Variants in AKAP12 observed in about 807,000 individuals in gnomAD.
The protein encoded by AKAP12 is A-kinase anchor protein 12.
AKAP12 carries 32 observed loss-of-function variants against 79.9 expected under a neutral mutation model. That is an observed-to-expected ratio of 0.40 (90% CI 0.30 to 0.54). The LOEUF (loss-of-function observed/expected upper bound fraction) is 0.54, where lower values mean the gene tolerates loss of function less well. AKAP12 is among the 20% of genes least tolerant of loss of function. AKAP12 has a pLI of 0.48. For synonymous variants in AKAP12, 808 were observed against 857.0 expected, an observed-to-expected ratio of 0.94 and a Z score of 1.00; for missense variants, 2,074 against 2,177.0, an observed-to-expected ratio of 0.95 and a Z score of 0.94.
rs568964495 is a variant in AKAP12 at position 151,316,367 on chromosome 6, C to T, written c.319+10464C>T. 7.9e-5 allele frequency among the ~76,000 whole-genome samples: 12 copies of T among 152,246 alleles called. No individual in the cohort carries two copies. In the South Asian group the frequency reaches 2.1e-3, roughly 26 times the overall value. On this transcript the variant is annotated intron_variant, in intron 3 of 4. Coordinates refer to ENST00000402676, the MANE Select transcript of AKAP12 (RefSeq NM_005100.4). ...TAACATGGACGTGCAATATTTAGAC[C>T]AACCGCAGGCATAAGGTCATTATCC...
At position 151,277,968 on chromosome 6, in the gene AKAP12, GTGTGTC is replaced by G. The variant is rs199714235; in HGVS notation, c.163-27775_163-27770del. ...TATGTGTGTGTGTGTGTGTGTGTGT[GTGTGTC>G]TGTCTGTTTATTTTTTTCTACCTTT... On this transcript the variant is annotated intron_variant, in intron 2 of 4. Coordinates refer to ENST00000402676, the MANE Select transcript of AKAP12 (RefSeq NM_005100.4). Among the ~76,000 whole-genome samples, 11 of 85,134 alleles carry G rather than the reference GTGTGTC, an allele frequency of 1.3e-4. No homozygotes were observed. In the East Asian group the frequency reaches 4.1e-3, roughly 32 times the overall value. 55.9% of individuals were successfully genotyped at this position (85,134 alleles called of 152,430 possible).
rs767015478 is a variant in AKAP12 at position 151,353,716 on chromosome 6, A to T, written c.5325A>T (p.Ala1775=). ...TACAGAAACAAGAGAGAGAATCTGC[A>T]AAGTCAGAACTTACAGAATCTTAAA... ...EELQKQERES[A]KSELTES Residue 1775 remains alanine (A), a synonymous_variant, in exon 4 of 5, where the codon GCA becomes GCT. Coordinates refer to ENST00000402676, the MANE Select transcript of AKAP12 (RefSeq NM_005100.4). The T allele has an allele frequency of 1.3e-6, 2 of 1,599,118 alleles. No individual in the cohort carries two copies. Among genetic ancestry groups the T allele is most frequent in the Non-Finnish European group, 1.7e-6 (2 of 1,173,938 alleles).
At chr6:151,262,684 AC>A (rs1166672303) in intron 2 of AKAP12, among the ~76,000 whole-genome samples, 1 of 152,156 alleles carries the variant, frequency 6.6e-6, no homozygotes, top group Non-Finnish European at 1.5e-5. Flanking sequence ...GCATGAATTA[AC>A]TAAAGTTTAG....
chr6:151,352,078 C>T lies in AKAP12; in HGVS notation c.3687C>T (p.Phe1229=), dbSNP rs890688485. The T allele has an allele frequency of 1.9e-6, 3 of 1,613,786 alleles. No individual in the cohort carries two copies. Among genetic ancestry groups the T allele is most frequent in the African/African-American group, 1.3e-5 (1 of 74,806 alleles). Residue 1229 remains phenylalanine, a synonymous_variant, in exon 4 of 5, where the codon TTC becomes TTT. Transcript: ENST00000402676. ...CTCCAGCACCTTCCAGTTTTGTGTT[C>T]CAGGAAGAAACTAAAGAACAATCAA... is the stretch of plus-strand genomic sequence containing the variant. ...ERPPAPSSFV[F]QEETKEQSKM... is the part of the protein sequence containing the mutation.
At chr6:151,314,207 A>C (rs1350623896) in intron 3 of AKAP12, among the ~76,000 whole-genome samples, 2 of 152,002 alleles carry the variant, frequency 1.3e-5, no homozygotes, top group African/African-American at 4.8e-5. Context: ...TTTGTATTTT[A>C]GTAGAGATGG....
intron 3 of AKAP12, among the ~76,000 whole-genome samples, chr6:151,320,940 G>A (rs754520122): frequency 2.0e-5 from 3 of 151,788 alleles, no homozygotes; most frequent in Non-Finnish European, 4.4e-5. Context: ...TATTCACAGA[G>A]TTGTATAACC....
At chr6:151,283,916 TC>T (rs1198599664) in intron 2 of AKAP12, among the ~76,000 whole-genome samples, 1 of 152,172 alleles carries the variant, frequency 6.6e-6, no homozygotes, top group African/African-American at 2.4e-5. Context: ...GCTTCATTTC[TC>T]CCCTGAATGG....
chr6:151,351,043 C>T lies in AKAP12; in HGVS notation c.2652C>T (p.Leu884=), dbSNP rs1319117382. Residue 884 remains leucine (L), a synonymous_variant, in exon 4 of 5, where the codon CTC becomes CTT. Coordinates refer to ENST00000402676, the MANE Select transcript of AKAP12 (RefSeq NM_005100.4). The surrounding 1 kb of genome is among the most constrained non-coding windows in gnomAD (Gnocchi z 4.4). Reference sequence around the variant, plus strand: ...CAGCCACTGAGGTGTCCAAGGAGCTCAGCGAGAGTCAGGTTCATATGATGG... The same window carrying T: ...CAGCCACTGAGGTGTCCAAGGAGCTTAGCGAGAGTCAGGTTCATATGATGG... ...QKAATEVSKE[L]SESQVHMMAA... is the part of the protein sequence containing the mutation. The T allele has an allele frequency of 6.2e-7, 1 of 1,613,968 alleles. No homozygotes were observed. The highest frequency in any genetic ancestry group is 8.5e-7 in the Non-Finnish European group (1 of 1,180,022).
At position 151,289,806 on chromosome 6, in the gene AKAP12, T is replaced by C. The variant is rs551736580; in HGVS notation, c.163-15941T>C. On this transcript the variant is annotated intron_variant, in intron 2 of 4. Coordinates refer to ENST00000402676, the MANE Select transcript of AKAP12 (RefSeq NM_005100.4). ...GGTTAACTTTGTAAAGGGAGGGTGG[T>C]GGGCTTTCCCAGATGTACTTTCCCT... Among the ~76,000 whole-genome samples, 17 of 152,248 alleles carry C rather than the reference T, an allele frequency of 1.1e-4. 1 individual carries two copies. The South Asian group carries it at 3.3e-3, about 30-fold the overall frequency.
chr6:151,322,122 C>A lies in AKAP12; in HGVS notation c.319+16219C>A, dbSNP rs187486937. 5.1e-3 allele frequency among the ~76,000 whole-genome samples: 770 copies of A among 151,972 alleles called. 2 individuals are homozygous for A. The highest frequency in any genetic ancestry group is 0.02 in the Middle Eastern group (6 of 294). ...ACGGGGTTTCATCATGTTGGCCAGG[C>A]TGGTCTCGAACTCCTGATCTCGTGA... On this transcript the variant is annotated intron_variant, in intron 3 of 4. Transcript: ENST00000402676.
At chr6:151,326,753 A>G (rs544990079) in intron 3 of AKAP12, among the ~76,000 whole-genome samples, 1 of 152,126 alleles carries the variant, frequency 6.6e-6, no homozygotes, top group African/African-American at 2.4e-5. Context: ...CTTTATAGGA[A>G]CAGGACTTCT....
intron 3 of AKAP12, among the ~76,000 whole-genome samples, chr6:151,337,493 C>G (rs1355332541): frequency 9.0e-6 from 1 of 110,812 alleles, no homozygotes; most frequent in East Asian, 2.6e-4. Flanking sequence ...CCAGGCTGGG[C>G]AATAAGAGTT....
chr6:151,338,676 C>G (rs972164855), intron 3 of AKAP12, among the ~76,000 whole-genome samples: 2 of 152,134 alleles, frequency 1.3e-5, no homozygotes, highest in South Asian at 2.1e-4. Context: ...GTCTCGAACT[C>G]CTGACTCCAG....
Position 151,350,431 on chromosome 6 carries a change from A to C in AKAP12, c.2040A>C (p.Glu680Asp). 2 of 1,614,124 alleles carry C rather than the reference A, an allele frequency of 1.2e-6. No homozygotes were observed. The highest frequency in any genetic ancestry group is 2.2e-5 in the South Asian group (2 of 91,070). The change falls in exon 4 of 5, where the codon GAA (glutamate) becomes GAC (aspartate). Residue 680 changes from glutamate (E) to aspartate (D), a missense_variant. Physicochemically the swap from Glu to Asp is conservative, Grantham distance 45. Around this residue, in one of 3 missense-constraint regions of AKAP12, gnomAD observed 1,428 missense variants for 1,451.0 expected, o/e 0.98. Coordinates refer to ENST00000402676, the MANE Select transcript of AKAP12 (RefSeq NM_005100.4). This position sits in a 1 kb window ranked among gnomAD's most constrained non-coding sequence, Gnocchi z 4.8. Reference sequence around the variant, plus strand: ...AGGTGGATACCTCAGTATCTTGGGAAGCTTTAATTTGTGTGGGATCATCCA... The same window carrying C: ...AGGTGGATACCTCAGTATCTTGGGACGCTTTAATTTGTGTGGGATCATCCA... ...KRKVDTSVSW[E>D]ALICVGSSKK...
intron 3 of AKAP12, among the ~76,000 whole-genome samples, chr6:151,332,797 C>G (rs557534136): frequency 6.6e-6 from 1 of 152,170 alleles, no homozygotes; most frequent in African/African-American, 2.4e-5. Context: ...CCGACCACTC[C>G]CTTTAACATT....
chr6:151,305,995 G>A, intron 3 of AKAP12, 92 bp downstream of exon 3: 1 of 1,362,786 alleles, frequency 7.3e-7, no homozygotes, highest in Non-Finnish European at 9.9e-7. Context: ...GCCTGGTGGT[G>A]GATTGGTGTT....
chr6:151,250,525 TAAG>T (rs1254948182), intron 2 of AKAP12, among the ~76,000 whole-genome samples: 1 of 150,522 alleles, frequency 6.6e-6, no homozygotes, highest in Non-Finnish European at 1.5e-5. Context: ...ATAAATAAAA[TAAG>T]AAAATGGGAA....
rs913301193 is a variant in AKAP12 at position 151,342,458 on chromosome 6, A to G, written c.320-6253A>G. Among the ~76,000 whole-genome samples, 4 of 152,288 alleles carry G rather than the reference A, an allele frequency of 2.6e-5. No individual in the cohort carries two copies. In the South Asian group the frequency reaches 6.2e-4, roughly 24 times the overall value. On this transcript the variant is annotated intron_variant, in intron 3 of 4. Coordinates refer to ENST00000402676, the MANE Select transcript of AKAP12 (RefSeq NM_005100.4). The stretch of plus-strand genomic sequence containing the variant: ...TAGGAGTCCACAGCCTGTTGATGTG[A>G]TAGAAGCGGTATTTTAGGAGGCTTT...
At chr6:151,345,402 G>C (rs1778063233) in intron 3 of AKAP12, among the ~76,000 whole-genome samples, 1 of 151,870 alleles carries the variant, frequency 6.6e-6, no homozygotes, top group Admixed American at 6.6e-5. Context: ...TTCAATTTGT[G>C]CTTAAAACAT....
Sources: allele counts gnomAD v4.1 joint callset (sites outside exome capture counted in the v4.1 genomes callset), GRCh38; gene constraint gnomAD v4.1.1; regional missense constraint gnomAD v4.1.1; non-coding constraint Gnocchi (gnomAD v3.1); transcripts MANE v1.5; gene names NCBI Gene and HGNC (gene_info 2026-07-23, HGNC 2026-07-21).